Variants in SLC19A2 observed in about 807,000 individuals in gnomAD.
SLC19A2 encodes the protein solute carrier family 19 member 2.
In SLC19A2, 27 loss-of-function variants were observed where a neutral mutation model predicts 44.7. The observed-to-expected ratio is 0.60, with a 90% CI of 0.45 to 0.83. The LOEUF (loss-of-function observed/expected upper bound fraction) is 0.83, where lower values mean the gene tolerates loss of function less well. SLC19A2 is among the 40% of genes least tolerant of loss of function. The pLI, the probability that SLC19A2 is intolerant of heterozygous loss-of-function variation, is 0.00. For synonymous variants in SLC19A2, 239 were observed against 243.6 expected (o/e 0.98, Z 0.18); for missense variants, 566 against 613.7 (o/e 0.92, Z 0.82).
At chr1:169,473,922 T>G (rs1269786608) in intron 2 of SLC19A2, 3 of 151,724 alleles carry the variant, frequency 2.0e-5, no homozygotes, top group African/African-American at 7.3e-5. Context: ...AAACCTACTA[T>G]GTAAACTCAT....
Position 169,477,244 on chromosome 1 carries a change from C to G in SLC19A2, c.718G>C (p.Asp240His). The change falls in exon 2 of 6, where the codon GAC becomes CAC. Residue 240 changes from aspartate (D) to histidine (H), a missense_variant. Transcript: ENST00000236137. The stretch of plus-strand genomic sequence containing the variant: ...GGAAGGTGGTTAGAAGCTGGGGTGT[C>G]AGTAACAATGCCACCATTTTGTACC... ...IKVQNGGIVTDTPASNHLPGW... is the reference protein window; with the variant it reads ...IKVQNGGIVTHTPASNHLPGW... 1 of 1,614,114 alleles carries G rather than the reference C, an allele frequency of 6.2e-7. No homozygotes were observed.
Position 169,468,786 on chromosome 1 carries a change from A to C in SLC19A2, c.1081T>G (p.Trp361Gly). The C allele has an allele frequency of 6.2e-6, 10 of 1,613,966 alleles. No individual in the cohort carries two copies. Among genetic ancestry groups the C allele is most frequent in the Non-Finnish European group, 8.5e-6 (10 of 1,179,886 alleles). Residue 361 changes from tryptophan to glycine, a missense_variant, in exon 4 of 6, where the codon TGG becomes GGG. Coordinates refer to ENST00000236137, the MANE Select transcript of SLC19A2 (RefSeq NM_006996.3). ...VGYIKISWST[W>G]GEMTLSLFSL... Reference sequence around the variant, plus strand: ...AAGAGAGATAATGTCATTTCTCCCCAAGTTGACCAGGATATTTTTATATAA... The same window carrying C: ...AAGAGAGATAATGTCATTTCTCCCCCAGTTGACCAGGATATTTTTATATAA...
chr1:169,479,318 G>T (rs1228986613), intron 1 of SLC19A2, among the ~76,000 whole-genome samples: 1 of 152,104 alleles, frequency 6.6e-6, no homozygotes, highest in Admixed American at 6.5e-5. Flanking sequence ...CTTTTTGCTT[G>T]TTTTTAAATA....
intron 2 of SLC19A2, 98 bp downstream of exon 2, chr1:169,477,057 A>G: frequency 7.4e-7 from 1 of 1,352,786 alleles, no homozygotes; most frequent in Non-Finnish European, 1.1e-6. Context: ...CATGAATCCA[A>G]ATAAATACAA....
Position 169,470,052 on chromosome 1 carries a change from G to A in SLC19A2, c.942C>T (p.Asn314=), listed in dbSNP as rs1458135503. The change falls in exon 3 of 6, where the codon AAC becomes AAT. Residue 314 remains asparagine (N), a synonymous_variant. Transcript: ENST00000236137. Reference sequence around the variant, plus strand: ...CTTTCTCCCACAGGCCCTGTGTGTAGTTCACAACTTGAAAATAGCCACAGG... The same window carrying A: ...CTTTCTCCCACAGGCCCTGTGTGTAATTCACAACTTGAAAATAGCCACAGG... ...LSTCGYFQVV[N]YTQGLWEKVM... The A allele has an allele frequency of 1.9e-6, 3 of 1,613,982 alleles. No homozygotes were observed. Among genetic ancestry groups the A allele is most frequent in the South Asian group, 1.1e-5 (1 of 91,076 alleles).
At chr1:169,475,572 CTTTA>C (rs956518788) in intron 2 of SLC19A2, among the ~76,000 whole-genome samples, 6 of 152,166 alleles carry the variant, frequency 3.9e-5, no homozygotes, top group South Asian at 2.1e-4. Flanking sequence ...AAAGAAGTGT[CTTTA>C]TTTTTTTTCC....
chr1:169,474,685 T>C (rs1658269041), intron 2 of SLC19A2, among the ~76,000 whole-genome samples: 1 of 152,196 alleles, frequency 6.6e-6, no homozygotes. Flanking sequence ...TTATAATTTA[T>C]GGTTTAATTA....
chr1:169,474,955 T>C (rs1244091557), intron 2 of SLC19A2, among the ~76,000 whole-genome samples: 1 of 152,192 alleles, frequency 6.6e-6, no homozygotes, highest in Non-Finnish European at 1.5e-5. Context: ...GAGAAAGGTT[T>C]AGAAAGAACT....
At chr1:169,484,978 G>C (rs577473396) in intron 1 of SLC19A2, among the ~76,000 whole-genome samples, 1 of 152,290 alleles carries the variant, frequency 6.6e-6, no homozygotes, top group South Asian at 2.1e-4. Flanking sequence ...AGAGGGGCAG[G>C]ATATCCTTGG....
chr1:169,477,697 A>G lies in SLC19A2; in HGVS notation c.265T>C (p.Phe89Leu), dbSNP rs752357863. 9 of 1,613,846 alleles carry G rather than the reference A, an allele frequency of 5.6e-6. No homozygotes were observed. ...TAACGGAGGTAGTCTGTGGCAAGGA[A>G]CACAGGAAACAGTAGCACCAGGTAA... ...YSYLVLLFPVFLATDYLRYKP... is the reference protein window; with the variant it reads ...YSYLVLLFPVLLATDYLRYKP... The change falls in exon 2 of 6, where the codon TTC (phenylalanine) becomes CTC (leucine). Residue 89 changes from phenylalanine (F) to leucine (L), a missense_variant. Coordinates refer to ENST00000236137, the MANE Select transcript of SLC19A2 (RefSeq NM_006996.3).
At position 169,477,508 on chromosome 1, in the gene SLC19A2, C is replaced by G; in HGVS notation, c.454G>C (p.Gly152Arg). The G allele has an allele frequency of 6.2e-7, 1 of 1,614,072 alleles. No individual in the cohort carries two copies. The highest frequency in any genetic ancestry group is 8.5e-7 in the Non-Finnish European group (1 of 1,180,008). Residue 152 changes from glycine (G) to arginine (R), a missense_variant, in exon 2 of 6, where the codon GGC (glycine) becomes CGC (arginine). Coordinates refer to ENST00000236137, the MANE Select transcript of SLC19A2 (RefSeq NM_006996.3). ...TAACTTGTGACTTTCTGGTACATGC[C>G]CAGGTCCACCACACTGTAGATATAA... The part of the protein sequence containing the change: ...YSYIYSVVDL[G>R]MYQKVTSYCR...
intron 1 of SLC19A2, among the ~76,000 whole-genome samples, chr1:169,484,932 A>G (rs543484959): frequency 3.3e-5 from 5 of 152,322 alleles, no homozygotes; most frequent in Admixed American, 2.6e-4. Context: ...ATGTTTCACC[A>G]TCTGCCTTTA....
intron 3 of SLC19A2, among the ~76,000 whole-genome samples, chr1:169,469,533 A>G (rs1008592784): frequency 2.6e-5 from 4 of 152,168 alleles, no homozygotes; most frequent in African/African-American, 4.8e-5. Context: ...AATTCTACCT[A>G]TCTCAGGAAT....
chr1:169,480,889 A>G (rs1658428382), intron 1 of SLC19A2, among the ~76,000 whole-genome samples: 2 of 152,318 alleles, frequency 1.3e-5, no homozygotes, highest in South Asian at 4.1e-4. Context: ...TAAATTATCA[A>G]TTTAACGTAT....
chr1:169,471,522 G>A (rs1005147275), intron 2 of SLC19A2, among the ~76,000 whole-genome samples: 1 of 139,082 alleles, frequency 7.2e-6, no homozygotes, highest in Admixed American at 8.0e-5. Context: ...TTAATTAGCT[G>A]GGTGTGGTGG....
At chr1:169,481,530 G>GATCC (rs1658445459) in intron 1 of SLC19A2, among the ~76,000 whole-genome samples, 3 of 152,204 alleles carry the variant, frequency 2.0e-5, no homozygotes, top group African/African-American at 7.2e-5. Context: ...CTCCAAGGCA[G>GATCC]ATCCTTTTCT....
rs1276355949 is a variant in SLC19A2, at chr1:169,485,742, G to A, written c.25C>T (p.Arg9Trp). 6.5e-7 allele frequency: 1 copy of A among 1,536,164 alleles called. No individual in the cohort carries two copies. MDVPGPVS[R>W]RAAAAAATVL... ...GTGGCCGCCGCCGCCGCCGCCCGCC[G>A]AGACACCGGGCCGGGCACATCCATC... Residue 9 changes from arginine to tryptophan, a missense_variant, in exon 1 of 6, where the codon CGG becomes TGG. Coordinates refer to ENST00000236137, the MANE Select transcript of SLC19A2 (RefSeq NM_006996.3).
In SLC19A2 at chr1:169,483,396, T is replaced by C. The variant is rs542304824; in HGVS notation, c.204+2167A>G. ...TTCTATTTATTTCAATTATTAGTTA[T>C]ACAAAAAAACGTAGGGTTTGCCACA... On this transcript the variant is annotated intron_variant, in intron 1 of 5. Transcript: ENST00000236137. Among the ~76,000 whole-genome samples the C allele has an allele frequency of 3.4e-5, 5 of 147,566 alleles. No individual in the cohort carries two copies. In the South Asian group the frequency reaches 1.1e-3, roughly 31 times the overall value.
Position 169,464,866 on chromosome 1 carries a change from T to C in SLC19A2, c.*983A>G, listed in dbSNP as rs1429812954. 1 of 152,614 alleles carries C rather than the reference T, an allele frequency of 6.6e-6. No homozygotes were observed. The highest frequency in any genetic ancestry group is 2.4e-5 in the African/African-American group (1 of 41,450). The allele number at this position is 152,614 out of a possible 1,614,324, so 9.5% of individuals were successfully genotyped here. A position where few individuals can be genotyped will look rare whatever the true frequency, so the allele number is the denominator to read the frequency against. ...AAAGGCCTTGGACTAATGCAATTCCTATTGACATCTTTACTTGGATAAGAA... is the reference window on the plus strand; with the variant it reads ...AAAGGCCTTGGACTAATGCAATTCCCATTGACATCTTTACTTGGATAAGAA... On this transcript the variant is annotated 3_prime_UTR_variant, in exon 6 of 6. Transcript: ENST00000236137.
Sources: allele counts gnomAD v4.1 joint callset (sites outside exome capture counted in the v4.1 genomes callset), GRCh38; gene constraint gnomAD v4.1.1; transcripts MANE v1.5; gene names NCBI Gene and HGNC (gene_info 2026-07-23, HGNC 2026-07-21).